The following ZNF540 variants were observed in gnomAD, a reference collection of about 807,000 sequenced individuals.
ZNF540 encodes the protein CTD-3064H18.6.
Under a neutral mutation model 11.8 loss-of-function variants are expected in ZNF540, and 3 were observed. The ratio of observed to expected loss-of-function variants is 0.25; its 90% CI spans 0.12 to 0.65. ZNF540 has a LOEUF of 0.65. ZNF540 is among the 30% of genes least tolerant of loss of function. The probability of loss-of-function intolerance (pLI) is 0.83; values close to 1 mark genes in which losing one functional copy is unlikely to be tolerated. For synonymous variants in ZNF540, 247 were observed against 259.0 expected (o/e 0.95, Z 0.45); for missense variants, 709 against 793.1 (o/e 0.89, Z 1.27).
At chr19:37,598,093 C>T (rs1293346116) in intron 1 of ZNF540, among the ~76,000 whole-genome samples, 3 of 152,220 alleles carry the variant, frequency 2.0e-5, no homozygotes, top group African/African-American at 7.2e-5. Context: ...CTGAACATCC[C>T]AGCCTTGGGC....
At chr19:37,592,252 A>G (rs1211691459), upstream of ZNF540, among the ~76,000 whole-genome samples, 1 of 152,140 alleles carries the variant, frequency 6.6e-6, no homozygotes, top group Non-Finnish European at 1.5e-5. Context: ...AGTGAGGAAA[A>G]AAAAATAAAG....
At position 37,611,891 on chromosome 19, in the gene ZNF540, T is replaced by G. The variant is rs1439696570; in HGVS notation, c.611T>G (p.Leu204Arg). 3.7e-6 allele frequency: 6 copies of G among 1,613,870 alleles called. No homozygotes were observed. The highest frequency in any genetic ancestry group is 5.1e-6 in the Non-Finnish European group (6 of 1,179,964). Residue 204 changes from leucine to arginine, a missense_variant, in exon 5 of 5, where the codon CTC (leucine) becomes CGC (arginine). Physicochemically the swap from Leu to Arg is moderately radical, Grantham distance 102 (BLOSUM62 -2). Transcript: ENST00000316433. ...TTTAATAATGTCTATCAGCTTACTC[T>G]CCATCAGAAAATTCATACTGGTGAA... The part of the protein sequence containing the change: ...STFNNVYQLT[L>R]HQKIHTGEKS...
At chr19:37,604,508 C>T (rs545877613) in intron 4 of ZNF540, among the ~76,000 whole-genome samples, 3 of 151,572 alleles carry the variant, frequency 2.0e-5, no homozygotes, top group Non-Finnish European at 4.4e-5. Context: ...GGGGTTTCAC[C>T]GTGTTAGCCA....
In ZNF540 at chr19:37,612,016, C is replaced by A. The variant is rs868670340; in HGVS notation, c.736C>A (p.Gln246Lys). The change falls in exon 5 of 5, where the codon CAA becomes AAA. Residue 246 changes from glutamine to lysine, a missense_variant. Gln to Lys is a moderately conservative substitution (Grantham distance 53, BLOSUM62 1). Transcript: ENST00000316433. ...TACTGGTGAGAAACCCTATGAATGT[C>A]AAGAATGTGGGAAGACCTTTACTCT... The part of the protein sequence containing the change: ...FHTGEKPYEC[Q>K]ECGKTFTLYP... 6.2e-7 allele frequency: 1 copy of A among 1,613,468 alleles called. No individual in the cohort carries two copies. The highest frequency in any genetic ancestry group is 8.5e-7 in the Non-Finnish European group (1 of 1,179,910).
chr19:37,607,639 T>C (rs1463186228), intron 4 of ZNF540, among the ~76,000 whole-genome samples: 1 of 152,256 alleles, frequency 6.6e-6, no homozygotes, highest in Admixed American at 6.5e-5. Flanking sequence ...CATCTTTTTG[T>C]GATGGCTTAT....
chr19:37,577,994 G>A (rs763004345), intron 1 of ZNF540, among the ~76,000 whole-genome samples: 2 of 152,216 alleles, frequency 1.3e-5, no homozygotes, highest in Non-Finnish European at 2.9e-5. Context: ...CCTCCGGTCA[G>A]ATCAGCGGCA....
At chr19:37,593,025 T>A (rs111572899), upstream of ZNF540, among the ~76,000 whole-genome samples, 1 of 152,122 alleles carries the variant, frequency 6.6e-6, no homozygotes, top group Non-Finnish European at 1.5e-5. Flanking sequence ...TTTGAAATAA[T>A]TGGGAAAATC....
At chr19:37,558,331 G>A (rs1456347648) in intron 1 of ZNF540, among the ~76,000 whole-genome samples, 4 of 152,062 alleles carry the variant, frequency 2.6e-5, no homozygotes, top group African/African-American at 9.7e-5. Context: ...AGTTTTTGGA[G>A]TTTTCTTTTA....
chr19:37,602,337 T>C (rs2044045767), intron 4 of ZNF540, among the ~76,000 whole-genome samples: 1 of 152,184 alleles, frequency 6.6e-6, no homozygotes, highest in African/African-American at 2.4e-5. Flanking sequence ...TGAACAGAGA[T>C]GGTAGGATGA....
chr19:37,599,700 GA>G lies in ZNF540; in HGVS notation c.87del (p.Lys29AsnfsTer6). ...EWECLDTTQR[K>X]LYRDVMLENY... ...GGGAGTGCCTGGACACTACCCAGAG[GA>G]AATTGTACAGAGATGTGATGTTGGA... is the stretch of plus-strand genomic sequence containing the variant. On this transcript the variant is annotated frameshift_variant, in exon 3 of 5. Coordinates refer to ENST00000316433, the MANE Select transcript of ZNF540 (RefSeq NM_001172225.3). LOFTEE classifies it high-confidence loss of function. The G allele has an allele frequency of 6.2e-7, 1 of 1,613,552 alleles. No individual in the cohort carries two copies. The highest frequency in any genetic ancestry group is 8.5e-7 in the Non-Finnish European group (1 of 1,179,720).
At chr19:37,579,030 A>G (rs2043350055) in intron 1 of ZNF540, among the ~76,000 whole-genome samples, 1 of 151,660 alleles carries the variant, frequency 6.6e-6, no homozygotes, top group South Asian at 2.1e-4. Flanking sequence ...CCCACAGCAC[A>G]GCCGCCCTGC....
chr19:37,574,233 C>T (rs2043167702), intron 1 of ZNF540, among the ~76,000 whole-genome samples: 2 of 152,168 alleles, frequency 1.3e-5, no homozygotes, highest in South Asian at 4.1e-4. Context: ...ATTAAAACCG[C>T]AACGTATGCT....
intron 4 of ZNF540, among the ~76,000 whole-genome samples, chr19:37,602,056 G>T (rs1393552729): frequency 1.3e-5 from 2 of 152,192 alleles, no homozygotes; most frequent in Admixed American, 1.3e-4. Context: ...GGCTATTTCA[G>T]AAGTCTAGAT....
rs913619839 is a variant in ZNF540 at position 37,595,004 on chromosome 19, T to G, written c.-164T>G. 2 of 152,204 alleles carry G rather than the reference T, an allele frequency of 1.3e-5. No individual in the cohort carries two copies. The highest frequency in any genetic ancestry group is 2.9e-5 in the Non-Finnish European group (2 of 68,022). The allele number at this position is 152,204 out of a possible 1,614,324, so 9.4% of individuals were successfully genotyped here. A position where few individuals can be genotyped will look rare whatever the true frequency, so the allele number is the denominator to read the frequency against. On this transcript the variant is annotated 5_prime_UTR_variant, in exon 1 of 5. It adds an upstream start codon to the 5' untranslated region. Transcript: ENST00000316433. Reference sequence around the variant, plus strand: ...TATACTCAAGTAACGCCCCAGAAATTCCAGAGAATCTCACACAAAGAGGTT... The same window carrying G: ...TATACTCAAGTAACGCCCCAGAAATGCCAGAGAATCTCACACAAAGAGGTT...
intron 4 of ZNF540, 41 bp downstream of exon 4, chr19:37,601,146 C>G: frequency 1.3e-6 from 2 of 1,497,492 alleles, no homozygotes; most frequent in Non-Finnish European, 1.8e-6. Flanking sequence ...GCCCTCATTG[C>G]CAGTCACGGC....
rs774735321 is a variant in ZNF540 at position 37,599,781 on chromosome 19, ACT to A, written c.136+32_136+33del. The A allele has an allele frequency of 9.1e-6, 14 of 1,542,612 alleles. No homozygotes were observed. In the South Asian group the frequency reaches 1.2e-4, roughly 14 times the overall value. ...AGGTCACCTATGTCAAATAATGTAG[ACT>A]CTGTTATCTGAAATAGTAGCTTTCT... On this transcript the variant is annotated intron_variant, in intron 3 of 4. Transcript: ENST00000316433.
At chr19:37,564,605 T>C in intron 1 of ZNF540, 1 of 1,506,632 alleles carries the variant, frequency 6.6e-7, no homozygotes, top group Non-Finnish European at 8.9e-7. Flanking sequence ...TTCTCAATTA[T>C]GAAGCCTTGT....
upstream of ZNF540, among the ~76,000 whole-genome samples, chr19:37,591,654 C>A (rs565505935): frequency 6.6e-6 from 1 of 152,206 alleles, no homozygotes; most frequent in African/African-American, 2.4e-5. Flanking sequence ...AAATGATTCT[C>A]CTGCCTCAGC....
chr19:37,551,388 C>T (rs2042603009), upstream of ZNF540: 1 of 152,292 alleles, frequency 6.6e-6, no homozygotes, highest in Admixed American at 6.5e-5. Context: ...CAGTGACAGC[C>T]ACCGTTGCCT....
Sources: gnomAD v4.1 joint callset for allele counts (sites outside exome capture counted in the v4.1 genomes callset) on GRCh38, gnomAD v4.1.1 for gene constraint, MANE v1.5 for transcripts, NCBI Gene and HGNC (gene_info 2026-07-23, HGNC 2026-07-21) for gene names.